The following RBFOX1 variants were observed in gnomAD, a reference collection of about 807,000 sequenced individuals.
RBFOX1 encodes the protein RNA binding fox-1 homolog 1, also known as RNA binding protein fox-1 homolog 1.
RBFOX1 carries 8 observed loss-of-function variants against 57.7 expected under a neutral mutation model. The observed-to-expected ratio is 0.14, with a 90% CI of 0.08 to 0.25. RBFOX1 has a LOEUF of 0.25. Ranked by LOEUF, RBFOX1 falls within the 10% of genes least tolerant of loss-of-function variation. The pLI is 1.00. For missense variants in RBFOX1, 611 were observed against 548.5 expected, an observed-to-expected ratio of 1.11 and a Z score of -1.14; for synonymous variants, 326 against 222.4, an observed-to-expected ratio of 1.47 and a Z score of -4.15.
intron 1 of RBFOX1, among the ~76,000 whole-genome samples, chr16:5,389,192 AAAAT>A (rs34759657): frequency 6.7e-6 from 1 of 150,140 alleles, no homozygotes; most frequent in Non-Finnish European, 1.5e-5. Context: ...CTCCGTCTCA[AAAAT>A]AAATAAATAA....
At chr16:7,126,846 A>C (rs1244255826) in intron 4 of RBFOX1, among the ~76,000 whole-genome samples, 1 of 151,770 alleles carries the variant, frequency 6.6e-6, no homozygotes, top group East Asian at 1.9e-4. Flanking sequence ...ATCTCTACTA[A>C]ACATACAAAA....
chr16:5,660,529 A>C (rs1016438579), intron 3 of RBFOX1, among the ~76,000 whole-genome samples: 2 of 152,142 alleles, frequency 1.3e-5, no homozygotes, highest in Admixed American at 6.5e-5. Flanking sequence ...AGGTTTATTA[A>C]ATCACCCAGG....
chr16:7,072,943 A>G (rs549145550), intron 4 of RBFOX1, among the ~76,000 whole-genome samples: 3 of 152,320 alleles, frequency 2.0e-5, no homozygotes, highest in South Asian at 2.1e-4. Context: ...TCTGTGTGGG[A>G]AGGAGAAGTC....
At chr16:5,844,999 C>T (rs187473864) in intron 3 of RBFOX1, among the ~76,000 whole-genome samples, 148 of 151,736 alleles carry the variant, frequency 9.8e-4, no homozygotes, top group African/African-American at 3.4e-3. Flanking sequence ...ATTAGCCCAG[C>T]ACTTGGTTTG....
chr16:6,354,514 G>T (rs906178314), intron 2 of RBFOX1, among the ~76,000 whole-genome samples: 1 of 152,102 alleles, frequency 6.6e-6, no homozygotes, highest in South Asian at 2.1e-4. Context: ...AGAGGCTCAA[G>T]GTCAAACATC....
intron 3 of RBFOX1, among the ~76,000 whole-genome samples, chr16:5,801,452 C>A (rs1050363284): frequency 1.3e-5 from 2 of 150,838 alleles, no homozygotes; most frequent in East Asian, 2.0e-4. Context: ...TCTCAGTGTG[C>A]GAGTTAATTT....
At chr16:5,644,690 T>C (rs1042566037) in intron 3 of RBFOX1, among the ~76,000 whole-genome samples, 1 of 152,226 alleles carries the variant, frequency 6.6e-6, no homozygotes, top group Admixed American at 6.5e-5. Flanking sequence ...TGCAATCTTA[T>C]TCTGATTATG....
chr16:6,061,862 A>C (rs1487117633), intron 1 of RBFOX1, among the ~76,000 whole-genome samples: 1 of 152,090 alleles, frequency 6.6e-6, no homozygotes, highest in African/African-American at 2.4e-5. Context: ...GACATTATCT[A>C]CCTGGAGATA....
At chr16:6,991,828 C>G (rs747836650) in intron 3 of RBFOX1, among the ~76,000 whole-genome samples, 1 of 152,166 alleles carries the variant, frequency 6.6e-6, no homozygotes, top group East Asian at 1.9e-4. Context: ...GTGTGACCCA[C>G]CAGGCCCAGC....
chr16:7,204,877 C>G lies in RBFOX1; in HGVS notation c.27+152779C>G, dbSNP rs1378047749. ...CCATTCTACTCCTTGGTTTTCTGTTCTTGACTGTTTTGGATATATTCATCT... is the reference window on the plus strand; with the variant it reads ...CCATTCTACTCCTTGGTTTTCTGTTGTTGACTGTTTTGGATATATTCATCT... On this transcript the variant is annotated intron_variant, in intron 4 of 15. Transcript: ENST00000550418. 6.6e-5 allele frequency among the ~76,000 whole-genome samples: 10 copies of G among 152,154 alleles called. No homozygotes were observed. The East Asian group carries it at 1.7e-3, about 26-fold the overall frequency.
At chr16:7,565,251 CTG>C (rs2091388687) in intron 5 of RBFOX1, among the ~76,000 whole-genome samples, 2 of 82,700 alleles carry the variant, frequency 2.4e-5, no homozygotes, top group African/African-American at 1.0e-4. Flanking sequence ...TGGAGTTGAT[CTG>C]GTATGCATGA....
chr16:7,531,811 G>A (rs887826661), intron 5 of RBFOX1, among the ~76,000 whole-genome samples: 4 of 151,994 alleles, frequency 2.6e-5, no homozygotes, highest in Non-Finnish European at 4.4e-5. Flanking sequence ...ATCATTACAG[G>A]CAAATATCTT....
chr16:7,144,279 G>T (rs774801819), intron 4 of RBFOX1, among the ~76,000 whole-genome samples: 10 of 152,150 alleles, frequency 6.6e-5, no homozygotes, highest in Non-Finnish European at 1.3e-4. Flanking sequence ...TTCCTCCCCA[G>T]AGGAATTGAT....
chr16:5,827,018 T>A (rs1471765082), intron 3 of RBFOX1, among the ~76,000 whole-genome samples: 2 of 152,188 alleles, frequency 1.3e-5, no homozygotes, highest in African/African-American at 4.8e-5. Flanking sequence ...GAAGCCTATC[T>A]CTTCGTTGGA....
At chr16:5,494,288 G>C (rs2042929304) in intron 2 of RBFOX1, among the ~76,000 whole-genome samples, 2 of 152,160 alleles carry the variant, frequency 1.3e-5, no homozygotes, top group South Asian at 4.1e-4. Context: ...CTTGCCTCTA[G>C]AATCTGCAGC....
intron 10 of RBFOX1, among the ~76,000 whole-genome samples, chr16:7,613,591 A>C (rs780947760): frequency 3.9e-5 from 6 of 152,158 alleles, no homozygotes; most frequent in African/African-American, 1.2e-4. Context: ...TGCTTATCTC[A>C]AAAGGGCAAC....
intron 3 of RBFOX1, among the ~76,000 whole-genome samples, chr16:6,760,036 A>G (rs188359700): frequency 4.7e-4 from 72 of 152,330 alleles, no homozygotes; most frequent in African/African-American, 1.5e-3. Flanking sequence ...AGAATCGTCA[A>G]TGGCACAGCA....
At chr16:5,446,220 T>A (rs2068235245) in intron 1 of RBFOX1, among the ~76,000 whole-genome samples, 1 of 152,036 alleles carries the variant, frequency 6.6e-6, no homozygotes, top group South Asian at 2.1e-4. Context: ...ATGGAGACAT[T>A]TTTCAAGCAA....
chr16:6,903,942 C>T (rs924653038), intron 3 of RBFOX1, among the ~76,000 whole-genome samples: 2 of 152,072 alleles, frequency 1.3e-5, no homozygotes, highest in Non-Finnish European at 2.9e-5. Flanking sequence ...GAGGCTGGCA[C>T]CATTTGGAGG....
Sources: gnomAD v4.1 joint callset for allele counts (sites outside exome capture counted in the v4.1 genomes callset) on GRCh38, gnomAD v4.1.1 for gene constraint, MANE v1.5 for transcripts, NCBI Gene and HGNC (gene_info 2026-07-23, HGNC 2026-07-21) for gene names.